The following TEX48 variants were observed in gnomAD, a reference collection of about 807,000 sequenced individuals.
The protein encoded by TEX48 is testis expressed 48.
A neutral mutation model predicts 13.2 loss-of-function variants in TEX48; 10 were observed. The observed-to-expected ratio is 0.75, with a 90% CI of 0.47 to 1.28. The LOEUF (loss-of-function observed/expected upper bound fraction) is 1.28. TEX48 is among the 50% of genes most tolerant of loss of function. The pLI is 0.00. For synonymous variants in TEX48, 45 were observed against 52.3 expected (o/e 0.86, Z 0.60); for missense variants, 116 against 139.4 (o/e 0.83, Z 0.84).
chr9:114,672,385 A>C (rs553707125), intron 1 of TEX48, among the ~76,000 whole-genome samples: 1 of 152,332 alleles, frequency 6.6e-6, no homozygotes, highest in South Asian at 2.1e-4. Flanking sequence ...CAGGATTATA[A>C]GGCCTTGCTT....
At chr9:114,680,120 C>CATTTTTTTTTTTTTTTTTT (rs2079145442) in intron 1 of TEX48, among the ~76,000 whole-genome samples, 1 of 52,124 alleles carries the variant, frequency 1.9e-5, no homozygotes, top group African/African-American at 8.1e-5. Flanking sequence ...TGTCATTGTC[C>CATTTTTTTTTTTTTTTTTT]CTTTTTTTTT....
At chr9:114,681,113 C>A (rs956087079) in intron 1 of TEX48, among the ~76,000 whole-genome samples, 2 of 152,174 alleles carry the variant, frequency 1.3e-5, no homozygotes, top group African/African-American at 4.8e-5. Flanking sequence ...CTCTTTTTCT[C>A]TCTTTTTAAT....
intron 3 of TEX48, 99 bp downstream of exon 3, chr9:114,671,284 T>G: frequency 7.4e-7 from 1 of 1,342,876 alleles, no homozygotes; most frequent in East Asian, 2.6e-5. Context: ...TATCACTCAG[T>G]GATAGTGATG....
Position 114,666,696 on chromosome 9 carries a change from G to C in TEX48, c.310C>G (p.Arg104Gly). The change falls in exon 5 of 5, where the codon CGC (arginine) becomes GGC (glycine). Residue 104 changes from arginine to glycine, a missense_variant. Transcript: ENST00000436752. ...QRNFYKRNLN[R>G]YCQEHWPFQP... ...AATGGCCAGTGCTCCTGGCAGTAGC[G>C]GTTTAAGTTTCTCTTGTAAAAATTT... 3.3e-6 allele frequency: 5 copies of C among 1,535,282 alleles called. No individual in the cohort carries two copies. The South Asian group carries it at 3.6e-5, about 11-fold the overall frequency.
chr9:114,670,217 G>C (rs1405606272), intron 3 of TEX48, among the ~76,000 whole-genome samples: 1 of 152,216 alleles, frequency 6.6e-6, no homozygotes, highest in Non-Finnish European at 1.5e-5. Flanking sequence ...TGGGTCCCCA[G>C]TGTCTAGACA....
intron 1 of TEX48, among the ~76,000 whole-genome samples, chr9:114,672,195 C>T (rs1229729567): frequency 2.0e-5 from 3 of 152,300 alleles, no homozygotes; most frequent in Middle Eastern, 3.4e-3. Flanking sequence ...ATGATCCCAG[C>T]TGGTCCAGGT....
At chr9:114,669,161 A>G (rs1246174607) in intron 3 of TEX48, among the ~76,000 whole-genome samples, 1 of 152,148 alleles carries the variant, frequency 6.6e-6, no homozygotes, top group East Asian at 1.9e-4. Context: ...CTTTATTCAT[A>G]TACATTATGG....
intron 3 of TEX48, among the ~76,000 whole-genome samples, chr9:114,668,665 A>G (rs1036652787): frequency 6.6e-6 from 1 of 152,326 alleles, no homozygotes; most frequent in Middle Eastern, 3.4e-3. Flanking sequence ...TTTTCCATTT[A>G]TAAATGTAAT....
chr9:114,667,369 C>G (rs2133755215), intron 4 of TEX48, among the ~76,000 whole-genome samples: 1 of 152,278 alleles, frequency 6.6e-6, no homozygotes, highest in South Asian at 2.1e-4. Flanking sequence ...TTTCTTCTTC[C>G]TGGGCTGTGC....
chr9:114,678,246 A>G (rs1828113245), intron 1 of TEX48, among the ~76,000 whole-genome samples: 1 of 152,054 alleles, frequency 6.6e-6, no homozygotes, highest in Admixed American at 6.6e-5. Flanking sequence ...TCTCCACCCA[A>G]CTTGATCTTT....
At chr9:114,681,939 T>A (rs1016658061) in intron 1 of TEX48, 96 bp downstream of exon 1, 4 of 152,170 alleles carry the variant, frequency 2.6e-5, no homozygotes, top group African/African-American at 9.7e-5. Context: ...TGGAGCAAAA[T>A]GAATAGGTGT....
chr9:114,671,340 A>G (rs1827941951), intron 3 of TEX48, 43 bp downstream of exon 3: 2 of 1,527,814 alleles, frequency 1.3e-6, no homozygotes, highest in East Asian at 2.5e-5. Context: ...GAGCAAAGTG[A>G]GGTTTAGAGA....
chr9:114,681,146 C>T (rs1828191877), intron 1 of TEX48, among the ~76,000 whole-genome samples: 1 of 152,210 alleles, frequency 6.6e-6, no homozygotes, highest in South Asian at 2.1e-4. Context: ...TTACTATACA[C>T]CACGTTTTGC....
At chr9:114,681,621 G>T (rs1272750244) in intron 1 of TEX48, among the ~76,000 whole-genome samples, 1 of 152,166 alleles carries the variant, frequency 6.6e-6, no homozygotes, top group Admixed American at 6.5e-5. Context: ...TGAAGGTTCT[G>T]ATGCTGATGA....
At chr9:114,674,459 A>T in intron 1 of TEX48, among the ~76,000 whole-genome samples, 1 of 117,590 alleles carries the variant, frequency 8.5e-6, no homozygotes, top group South Asian at 3.0e-4. Flanking sequence ...ATTTAACATT[A>T]TAACCCCCTT....
Position 114,671,836 on chromosome 9 carries a change from A to G in TEX48, c.-104-9T>C, listed in dbSNP as rs1330064767. ...CTGGGCTGGGCTGTTTCCTAAGTAA[A>G]CATAAGACCGTGGCTGAAAAATGCT... On this transcript the variant is annotated splice_polypyrimidine_tract_variant and intron_variant, in intron 1 of 4. Coordinates refer to ENST00000436752, the MANE Select transcript of TEX48 (RefSeq NM_001199233.2). 2 of 1,209,678 alleles carry G rather than the reference A, an allele frequency of 1.7e-6. No homozygotes were observed. Among genetic ancestry groups the G allele is most frequent in the Non-Finnish European group, 1.2e-6 (1 of 851,858 alleles). The allele number at this position is 1,209,678 out of a possible 1,614,324, so 74.9% of individuals were successfully genotyped here.
chr9:114,676,982 T>C (rs1025063252), intron 1 of TEX48, among the ~76,000 whole-genome samples: 1 of 152,184 alleles, frequency 6.6e-6, no homozygotes, highest in Non-Finnish European at 1.5e-5. Context: ...TTTATACATA[T>C]TTGTTGAATA....
Position 114,666,548 on chromosome 9 carries a change from C to T in TEX48, c.*95G>A. ...ATGGCTCAGATGTCTTCTCCTCCTT[C>T]AGGGGAGTTTCCGAATTAGTCTTCA... is the stretch of plus-strand genomic sequence containing the variant. On this transcript the variant is annotated 3_prime_UTR_variant, in exon 5 of 5. Transcript: ENST00000436752. The T allele has an allele frequency of 2.9e-6, 2 of 681,896 alleles. No homozygotes were observed. Among genetic ancestry groups the T allele is most frequent in the Non-Finnish European group, 4.8e-6 (2 of 415,378 alleles). 42.2% of individuals were successfully genotyped at this position (681,896 alleles called of 1,614,324 possible).
intron 3 of TEX48, among the ~76,000 whole-genome samples, chr9:114,670,999 C>T (rs1827935109): frequency 6.6e-6 from 1 of 152,112 alleles, no homozygotes; most frequent in South Asian, 2.1e-4. Flanking sequence ...TGTATTGCCC[C>T]CAAAACAGGG....
Sources: allele counts gnomAD v4.1 joint callset (sites outside exome capture counted in the v4.1 genomes callset), GRCh38; gene constraint gnomAD v4.1.1; transcripts MANE v1.5; gene names NCBI Gene and HGNC (gene_info 2026-07-23, HGNC 2026-07-21).